CCL4L2: variants seen among roughly 807,000 people sequenced by gnomAD.
The protein encoded by CCL4L2 is C-C motif chemokine ligand 4 like 2.
CCL4L2 carries 3 observed loss-of-function variants against 5.9 expected under a neutral mutation model. The ratio of observed to expected loss-of-function variants is 0.51; its 90% CI spans 0.23 to 1.32. The LOEUF is 1.32. CCL4L2 is among the 40% of genes most tolerant of loss of function. The probability of loss-of-function intolerance (pLI) is 0.18; values close to 1 mark genes in which losing one functional copy is unlikely to be tolerated. For missense variants in CCL4L2, 74 were observed against 121.2 expected, an observed-to-expected ratio of 0.61 and a Z score of 1.83; for synonymous variants, 36 against 47.6, an observed-to-expected ratio of 0.76 and a Z score of 1.00.
intron 1 of CCL4L2, 117 bp downstream of exon 1, chr17:36,211,334 TG>T: frequency 1.6e-6 from 2 of 1,247,224 alleles, no homozygotes; most frequent in Admixed American, 3.4e-5. Context: ...CTAGGAAGAT[TG>T]CCATGTAGTC....
At chr17:36,212,125 A>T (rs1194873726) in intron 2 of CCL4L2, 2 of 707,530 alleles carry the variant, frequency 2.8e-6, no homozygotes, top group Admixed American at 4.1e-5. Flanking sequence ...GAGGACAGGG[A>T]AGCAGGGGAA....
rs764724517 is a variant in CCL4L2 at position 36,212,531 on chromosome 17, T to G, written c.*108T>G. On this transcript the variant is annotated 3_prime_UTR_variant, in exon 3 of 3. Coordinates refer to ENST00000617405, the MANE Select transcript of CCL4L2 (RefSeq NM_001291475.2). ...AGTCTGCGCTGACCCCAGTGAGTCC[T>G]GGGTCCAGGAGTACGTGTATGACCT... The G allele has an allele frequency of 5.7e-6, 9 of 1,581,488 alleles. No individual in the cohort carries two copies. In the South Asian group the frequency reaches 1.0e-4, roughly 18 times the overall value.
chr17:36,212,387 C>T lies in CCL4L2; in HGVS notation c.276C>T (p.Val92=). Residue 92 remains valine (V), a synonymous_variant, in exon 3 of 3, where the codon GTC becomes GTT. Coordinates refer to ENST00000617405, the MANE Select transcript of CCL4L2 (RefSeq NM_001291475.2). ...AGAGCTGCCCCACATGGACCATGGT[C>T]AGGCAGAGGAAGATGCCTACCACAG... The T allele has an allele frequency of 2.1e-6, 3 of 1,441,270 alleles. No homozygotes were observed. Among genetic ancestry groups the T allele is most frequent in the Non-Finnish European group, 2.9e-6 (3 of 1,026,304 alleles). The allele number at this position is 1,441,270 out of a possible 1,614,324, so 89.3% of individuals were successfully genotyped here. A position where few individuals can be genotyped will look rare whatever the true frequency, so the allele number is the denominator to read the frequency against.
In CCL4L2 at chr17:36,211,895, G is replaced by A. The variant is rs1170443247; in HGVS notation, c.191+5G>A. On this transcript the variant is annotated splice_donor_5th_base_variant and intron_variant, in intron 2 of 2. Transcript: ENST00000617405. The stretch of plus-strand genomic sequence containing the variant: ...CTGCTCCCAGCCAGCTGTGGTGTGA[G>A]TATCAACCCCTGGCTGCCCTGGGAG... The A allele has an allele frequency of 1.3e-5, 21 of 1,578,188 alleles. 3 individuals carry two copies. The Admixed American group carries it at 2.0e-4, about 15-fold the overall frequency.
Position 36,212,177 on chromosome 17 carries a change from A to G in CCL4L2, c.192-126A>G, listed in dbSNP as rs1183524947. On this transcript the variant is annotated intron_variant, in intron 2 of 2. Coordinates refer to ENST00000617405, the MANE Select transcript of CCL4L2 (RefSeq NM_001291475.2). Reference sequence around the variant, plus strand: ...GAGATATGGACCAATTCCTTAAACCATGCTAGAAAAACATGTGGAAAAGTC... The same window carrying G: ...GAGATATGGACCAATTCCTTAAACCGTGCTAGAAAAACATGTGGAAAAGTC... 43 of 700,984 alleles carry G rather than the reference A, an allele frequency of 6.1e-5. 2 individuals carry two copies. Among genetic ancestry groups the G allele is most frequent in the African/African-American group, 1.3e-4 (8 of 59,368 alleles). The allele number at this position is 700,984 out of a possible 1,614,324, so 43.4% of individuals were successfully genotyped here. A position where few individuals can be genotyped will look rare whatever the true frequency, so the allele number is the denominator to read the frequency against.
At position 36,212,726 on chromosome 17, in the gene CCL4L2, A is replaced by G. The variant is rs1386502669; in HGVS notation, c.*303A>G. 1 of 948,206 alleles carries G rather than the reference A, an allele frequency of 1.1e-6. No homozygotes were observed. Among genetic ancestry groups the G allele is most frequent in the African/African-American group, 1.5e-5 (1 of 68,638 alleles). 58.7% of individuals were successfully genotyped at this position (948,206 alleles called of 1,614,324 possible). ...GTGCTGTATTATTGTATTAGGTGTT[A>G]TTTCCATTATTTATATTAGTTTAGC... On this transcript the variant is annotated 3_prime_UTR_variant, in exon 3 of 3. Coordinates refer to ENST00000617405, the MANE Select transcript of CCL4L2 (RefSeq NM_001291475.2).
At chr17:36,212,153 A>C in intron 2 of CCL4L2, 2 of 695,750 alleles carry the variant, frequency 2.9e-6, no homozygotes, top group East Asian at 2.7e-5. Flanking sequence ...AGGTCCCGTG[A>C]GATATGGACC....
Position 36,212,635 on chromosome 17 carries a change from A to G in CCL4L2, c.*212A>G, listed in dbSNP as rs1255786497. 19 of 1,519,200 alleles carry G rather than the reference A, an allele frequency of 1.3e-5. No individual in the cohort carries two copies. Among genetic ancestry groups the G allele is most frequent in the Non-Finnish European group, 1.7e-5 (19 of 1,099,058 alleles). The allele number at this position is 1,519,200 out of a possible 1,614,324, so 94.1% of individuals were successfully genotyped here. On this transcript the variant is annotated 3_prime_UTR_variant, in exon 3 of 3. Coordinates refer to ENST00000617405, the MANE Select transcript of CCL4L2 (RefSeq NM_001291475.2). The stretch of plus-strand genomic sequence containing the variant: ...GCCTGGATGCTTCTCCATGAGCCGC[A>G]TCTCCTCCATACTCAGGACTCCTCT...
intron 2 of CCL4L2, 171 bp downstream of exon 2, chr17:36,212,061 G>C: frequency 1.1e-6 from 1 of 898,240 alleles, no homozygotes; most frequent in Non-Finnish European, 1.8e-6. Context: ...AAGTGCTGAA[G>C]GCGGCTGAGT....
chr17:36,212,172 A>C, intron 2 of CCL4L2: 1 of 699,878 alleles, frequency 1.4e-6, no homozygotes, highest in Non-Finnish European at 2.6e-6. Context: ...CCAATTCCTT[A>C]AACCATGCTA....
intron 2 of CCL4L2, 65 bp downstream of exon 2, chr17:36,211,955 G>A: frequency 6.6e-7 from 1 of 1,507,468 alleles, no homozygotes; most frequent in Non-Finnish European, 9.2e-7. Context: ...AAGGGGGCCT[G>A]TTTTGGGGAG....
chr17:36,212,712 T>C lies in CCL4L2; in HGVS notation c.*289T>C. 2 of 1,028,228 alleles carry C rather than the reference T, an allele frequency of 1.9e-6. No individual in the cohort carries two copies. Among genetic ancestry groups the C allele is most frequent in the South Asian group, 1.4e-5 (1 of 72,142 alleles). 63.7% of individuals were successfully genotyped at this position (1,028,228 alleles called of 1,614,324 possible). ...GTAATCTCTTTTATGTGCTGTATTATTGTATTAGGTGTTATTTCCATTATT... is the reference window on the plus strand; with the variant it reads ...GTAATCTCTTTTATGTGCTGTATTACTGTATTAGGTGTTATTTCCATTATT... On this transcript the variant is annotated 3_prime_UTR_variant, in exon 3 of 3. Transcript: ENST00000617405.
chr17:36,212,245 T>C (rs2068797250), intron 2 of CCL4L2: 3 of 725,486 alleles, frequency 4.1e-6, no homozygotes, highest in African/African-American at 1.6e-5. Context: ...TTCATACTGA[T>C]TGCAATGCCC....
At position 36,211,922 on chromosome 17, in the gene CCL4L2, C is replaced by G. The variant is rs1342212296; in HGVS notation, c.191+32C>G. Reference sequence around the variant, plus strand: ...ATCAACCCCTGGCTGCCCTGGGAGGCAAGGGTGAGGGCTGGATTTTTAAAG... The same window carrying G: ...ATCAACCCCTGGCTGCCCTGGGAGGGAAGGGTGAGGGCTGGATTTTTAAAG... On this transcript the variant is annotated intron_variant, in intron 2 of 2. Coordinates refer to ENST00000617405, the MANE Select transcript of CCL4L2 (RefSeq NM_001291475.2). The G allele has an allele frequency of 1.7e-5, 27 of 1,569,214 alleles. 1 individual carries two copies. The South Asian group carries it at 2.6e-4, about 15-fold the overall frequency.
At position 36,212,819 on chromosome 17, in the gene CCL4L2, A is replaced by G; in HGVS notation, c.*396A>G. The G allele has an allele frequency of 1.8e-6, 1 of 562,716 alleles. No individual in the cohort carries two copies. Among genetic ancestry groups the G allele is most frequent in the Non-Finnish European group, 3.3e-6 (1 of 307,138 alleles). 34.9% of individuals were successfully genotyped at this position (562,716 alleles called of 1,614,324 possible). Reference sequence around the variant, plus strand: ...TTTCTCTGCTGTTGCAAATACATGGATAACACCGTTAATTCCATGTGTTTT... The same window carrying G: ...TTTCTCTGCTGTTGCAAATACATGGGTAACACCGTTAATTCCATGTGTTTT... On this transcript the variant is annotated 3_prime_UTR_variant, in exon 3 of 3. Transcript: ENST00000617405.
In CCL4L2 at chr17:36,212,647, C is replaced by A. The variant is rs1456327255; in HGVS notation, c.*224C>A. 17 of 1,449,998 alleles carry A rather than the reference C, an allele frequency of 1.2e-5. No individual in the cohort carries two copies. The East Asian group carries it at 3.4e-4, about 29-fold the overall frequency. 89.8% of individuals were successfully genotyped at this position (1,449,998 alleles called of 1,614,324 possible). ...CTCCATGAGCCGCATCTCCTCCATA[C>A]TCAGGACTCCTCTCCGCAGTTCCTG... On this transcript the variant is annotated 3_prime_UTR_variant, in exon 3 of 3. Coordinates refer to ENST00000617405, the MANE Select transcript of CCL4L2 (RefSeq NM_001291475.2).
At position 36,211,436 on chromosome 17, in the gene CCL4L2, C is replaced by G. The variant is rs2068773604; in HGVS notation, c.76+219C>G. 7 of 753,210 alleles carry G rather than the reference C, an allele frequency of 9.3e-6. 1 individual carries two copies. In the South Asian group the frequency reaches 1.0e-4, roughly 11 times the overall value. The allele number at this position is 753,210 out of a possible 1,614,324, so 46.7% of individuals were successfully genotyped here. On this transcript the variant is annotated intron_variant, in intron 1 of 2. Transcript: ENST00000617405. Reference sequence around the variant, plus strand: ...GCAACCAGCAGAGGAAAACGATGGGCTGGAAGTCAGACTGTTGAATTGGCT... The same window carrying G: ...GCAACCAGCAGAGGAAAACGATGGGGTGGAAGTCAGACTGTTGAATTGGCT...
rs1316800025 is a variant in CCL4L2, at chr17:36,212,401, T to C, written c.290T>C (p.Met97Thr). ...TGGACCATGGTCAGGCAGAGGAAGA[T>C]GCCTACCACAGGCAAGGGATAAAGC... The change falls in exon 3 of 3, where the codon ATG (methionine) becomes ACG (threonine). Residue 97 changes from methionine (M) to threonine (T), a missense_variant. Coordinates refer to ENST00000617405, the MANE Select transcript of CCL4L2 (RefSeq NM_001291475.2). The C allele has an allele frequency of 8.6e-6, 13 of 1,510,296 alleles. 2 individuals carry two copies. Among genetic ancestry groups the C allele is most frequent in the Non-Finnish European group, 1.2e-5 (13 of 1,090,470 alleles). The allele number at this position is 1,510,296 out of a possible 1,614,324, so 93.6% of individuals were successfully genotyped here. A position where few individuals can be genotyped will look rare whatever the true frequency, so the allele number is the denominator to read the frequency against.
chr17:36,211,169 C>T lies in CCL4L2; in HGVS notation c.28C>T (p.Leu10Phe), dbSNP rs1344336028. 6.3e-7 allele frequency: 1 copy of T among 1,581,758 alleles called. No homozygotes were observed. Among genetic ancestry groups the T allele is most frequent in the South Asian group, 1.1e-5 (1 of 89,122 alleles). The change falls in exon 1 of 3, where the codon CTC (leucine) becomes TTC (phenylalanine). Residue 10 changes from leucine to phenylalanine, a missense_variant. Transcript: ENST00000617405. Reference sequence around the variant, plus strand: ...GAAGCTCTGCGTGACTGTCCTGTCTCTCCTCGTGCTAGTAGCTGCCTTCTG... The same window carrying T: ...GAAGCTCTGCGTGACTGTCCTGTCTTTCCTCGTGCTAGTAGCTGCCTTCTG...
Sources: allele counts gnomAD v4.1 joint callset, GRCh38; gene constraint gnomAD v4.1.1; transcripts MANE v1.5; gene names NCBI Gene and HGNC (gene_info 2026-07-23, HGNC 2026-07-21).